Variants in DDX10 observed in about 807,000 individuals in gnomAD.
DDX10 encodes the protein DEAD-box helicase 10, also known as probable ATP-dependent RNA helicase DDX10.
A neutral mutation model predicts 104.3 loss-of-function variants in DDX10; 74 were observed. The ratio of observed to expected loss-of-function variants is 0.71; its 90% confidence interval spans 0.59 to 0.86. The LOEUF (loss-of-function observed/expected upper bound fraction) is 0.86, where lower values mean the gene tolerates loss of function less well. Among genes scored for constraint, DDX10 ranks in the 40% least tolerant of loss-of-function variants. The pLI is 0.00. For missense variants in DDX10, 952 were observed against 1,040.0 expected (o/e 0.92, Z 1.16); for synonymous variants, 351 against 353.4 (o/e 0.99, Z 0.08).
intron 9 of DDX10, among the ~76,000 whole-genome samples, chr11:108,696,870 A>G (rs1044601175): frequency 2.0e-5 from 3 of 152,286 alleles, no homozygotes; most frequent in East Asian, 1.9e-4. Flanking sequence ...TTCTCCCTAT[A>G]TGAAGATTAT....
At chr11:108,929,561 A>T (rs945408695) in intron 17 of DDX10, 1 of 152,146 alleles carries the variant, frequency 6.6e-6, no homozygotes, top group African/African-American at 2.4e-5. Flanking sequence ...TACTGACTTC[A>T]TAGAAGGTGA....
chr11:108,846,984 A>G (rs773309452), intron 15 of DDX10, among the ~76,000 whole-genome samples: 1 of 152,182 alleles, frequency 6.6e-6, no homozygotes, highest in Non-Finnish European at 1.5e-5. Flanking sequence ...GTTGCTCTTC[A>G]TGAGTTGTCG....
At chr11:108,726,294 T>A (rs2134479731) in intron 13 of DDX10, among the ~76,000 whole-genome samples, 1 of 152,208 alleles carries the variant, frequency 6.6e-6, no homozygotes, top group Admixed American at 6.5e-5. Flanking sequence ...TTCATTGAGG[T>A]TGCATTGAAT....
intron 16 of DDX10, among the ~76,000 whole-genome samples, chr11:108,904,150 A>C (rs1156665066): frequency 1.3e-5 from 2 of 152,130 alleles, no homozygotes; most frequent in Non-Finnish European, 2.9e-5. Context: ...TTTATTTAAA[A>C]CCAGTGAGTT....
chr11:108,679,507 C>G lies in DDX10; in HGVS notation c.795C>G (p.Arg265=), dbSNP rs942612176. ...TQTKSVKDLA[R]LSLKNPEYVW... is the part of the protein sequence containing the mutation. ...CTAAATCTGTAAAGGACCTTGCACGCTTGAGTTTGAAAAACCCTGAGTATG... is the reference window on the plus strand; with the variant it reads ...CTAAATCTGTAAAGGACCTTGCACGGTTGAGTTTGAAAAACCCTGAGTATG... The change falls in exon 6 of 18, where the codon CGC becomes CGG. Residue 265 remains arginine, a synonymous_variant. Transcript: ENST00000322536. 1.3e-5 allele frequency: 21 copies of G among 1,612,344 alleles called. No homozygotes were observed. In the African/African-American group the frequency reaches 2.7e-4, roughly 21 times the overall value.
chr11:108,696,821 G>A (rs1448867867), intron 9 of DDX10, among the ~76,000 whole-genome samples: 1 of 152,030 alleles, frequency 6.6e-6, no homozygotes, highest in Non-Finnish European at 1.5e-5. Context: ...TGGGGACAGG[G>A]CAGACTGATT....
intron 16 of DDX10, among the ~76,000 whole-genome samples, chr11:108,903,509 CACAG>C (rs1310925862): frequency 1.3e-5 from 2 of 152,148 alleles, no homozygotes; most frequent in African/African-American, 2.4e-5. Flanking sequence ...ACTGAACATG[CACAG>C]ACATTTTCTT....
intron 13 of DDX10, among the ~76,000 whole-genome samples, chr11:108,740,842 G>A (rs905677705): frequency 6.6e-6 from 1 of 151,990 alleles, no homozygotes; most frequent in Non-Finnish European, 1.5e-5. Flanking sequence ...TTTGCTTGTC[G>A]ATTTAAGTTC....
At chr11:108,672,329 A>T (rs1349460651) in intron 1 of DDX10, among the ~76,000 whole-genome samples, 2 of 152,130 alleles carry the variant, frequency 1.3e-5, no homozygotes, top group African/African-American at 4.8e-5. Flanking sequence ...TTTTTAGCTG[A>T]TAATACCACG....
At chr11:108,856,710 C>T (rs762092233) in intron 16 of DDX10, among the ~76,000 whole-genome samples, 1 of 152,014 alleles carries the variant, frequency 6.6e-6, no homozygotes, top group Non-Finnish European at 1.5e-5. Context: ...TATTATTTGA[C>T]AAAGTAAAAA....
At chr11:108,857,294 G>A (rs922932087) in intron 16 of DDX10, among the ~76,000 whole-genome samples, 3 of 152,144 alleles carry the variant, frequency 2.0e-5, no homozygotes, top group African/African-American at 7.2e-5. Flanking sequence ...AGAACTCTGG[G>A]CTGAGATCTA....
intron 16 of DDX10, among the ~76,000 whole-genome samples, chr11:108,860,147 G>A (rs755402727): frequency 2.6e-5 from 4 of 152,174 alleles, no homozygotes; most frequent in Non-Finnish European, 4.4e-5. Flanking sequence ...ACAAGAATCT[G>A]TGTGGGTTTT....
At position 108,678,366 on chromosome 11, in the gene DDX10, A is replaced by G; in HGVS notation, c.589A>G (p.Thr197Ala). ...RINNINILVC[T>A]PGRLLQHMDE... The stretch of plus-strand genomic sequence containing the variant: ...CAACAACATAAATATACTCGTGTGC[A>G]CACCAGGTCGGCTTCTTCAACACAT... The change falls in exon 5 of 18, where the codon ACA (threonine) becomes GCA (alanine). Residue 197 changes from threonine (T) to alanine (A), a missense_variant. Thr to Ala is a moderately conservative substitution (Grantham distance 58). Around this residue, in one of 3 missense-constraint regions of DDX10, gnomAD observed 412 missense variants for 479.2 expected, o/e 0.86. Coordinates refer to ENST00000322536, the MANE Select transcript of DDX10 (RefSeq NM_004398.4). The G allele has an allele frequency of 6.2e-7, 1 of 1,613,560 alleles. No individual in the cohort carries two copies. The highest frequency in any genetic ancestry group is 8.5e-7 in the Non-Finnish European group (1 of 1,179,798).
intron 16 of DDX10, among the ~76,000 whole-genome samples, chr11:108,859,469 G>T (rs1365585431): frequency 6.6e-6 from 1 of 151,894 alleles, no homozygotes; most frequent in Non-Finnish European, 1.5e-5. Context: ...GGCTGTGTGT[G>T]TACATATCCC....
chr11:108,814,661 CCT>C (rs143608837), intron 13 of DDX10, among the ~76,000 whole-genome samples: 93 of 152,160 alleles, frequency 6.1e-4, no homozygotes, highest in Non-Finnish European at 1.3e-3. Context: ...CAAAAAAAAA[CCT>C]CTCAAACTTT....
At chr11:108,842,781 G>A (rs1041512605) in intron 15 of DDX10, among the ~76,000 whole-genome samples, 3 of 152,166 alleles carry the variant, frequency 2.0e-5, no homozygotes, top group African/African-American at 7.2e-5. Context: ...AGAGTATCAG[G>A]AGCTTGTCAT....
chr11:108,748,955 C>A (rs1014570517), intron 13 of DDX10, among the ~76,000 whole-genome samples: 1 of 152,012 alleles, frequency 6.6e-6, no homozygotes, highest in Admixed American at 6.6e-5. Flanking sequence ...TGAGCCACCA[C>A]GCCTGGCCTA....
chr11:108,789,196 C>T (rs1362417858), intron 13 of DDX10, among the ~76,000 whole-genome samples: 1 of 152,212 alleles, frequency 6.6e-6, no homozygotes, highest in African/African-American at 2.4e-5. Flanking sequence ...GTTCTTGTCA[C>T]ACCTTCAATC....
Position 108,915,885 on chromosome 11 carries a change from A to C in DDX10, c.2305-1988A>C, listed in dbSNP as rs1204835854. Among the ~76,000 whole-genome samples, 3 of 151,610 alleles carry C rather than the reference A, an allele frequency of 2.0e-5. No homozygotes were observed. The East Asian group carries it at 5.8e-4, about 29-fold the overall frequency. On this transcript the variant is annotated intron_variant, in intron 16 of 17. Coordinates refer to ENST00000322536, the MANE Select transcript of DDX10 (RefSeq NM_004398.4). The stretch of plus-strand genomic sequence containing the variant: ...AACAATATTGCAACAGAATGAATGC[A>C]GAGCGGATTTGAGAATGCAGCTGTC...
Sources: allele counts gnomAD v4.1 joint callset (sites outside exome capture counted in the v4.1 genomes callset), GRCh38; gene constraint gnomAD v4.1.1; regional missense constraint gnomAD v4.1.1; transcripts MANE v1.5; gene names NCBI Gene and HGNC (gene_info 2026-07-23, HGNC 2026-07-21).